Variants in CNTNAP2 observed in about 807,000 individuals in gnomAD.
CNTNAP2 encodes contactin-associated protein-like 2.
CNTNAP2 carries 98 observed loss-of-function variants against 155.2 expected under a neutral mutation model. The ratio of observed to expected loss-of-function variants is 0.63; its 90% CI spans 0.54 to 0.75. CNTNAP2 has a LOEUF of 0.75. CNTNAP2 is among the 30% of genes least tolerant of loss of function. The pLI, the probability that CNTNAP2 is intolerant of heterozygous loss-of-function variation, is 0.00. For synonymous variants in CNTNAP2, 651 were observed against 631.2 expected, an observed-to-expected ratio of 1.03 and a Z score of -0.47; for missense variants, 1,727 against 1,688.1, an observed-to-expected ratio of 1.02 and a Z score of -0.40.
intron 1 of CNTNAP2, among the ~76,000 whole-genome samples, chr7:146,367,222 T>C (rs373074958): frequency 5.3e-5 from 8 of 152,290 alleles, no homozygotes; most frequent in African/African-American, 1.9e-4. Flanking sequence ...ACCTGCTTTA[T>C]ACACATCGCC....
chr7:148,330,147 A>T (rs62470601), intron 21 of CNTNAP2, among the ~76,000 whole-genome samples: 1 of 89,908 alleles, frequency 1.1e-5, no homozygotes, highest in Admixed American at 1.1e-4. Context: ...GAATGGATGG[A>T]TGGAGTGGAT....
chr7:147,701,063 G>A (rs374041154), intron 13 of CNTNAP2, among the ~76,000 whole-genome samples: 1 of 152,072 alleles, frequency 6.6e-6, no homozygotes, highest in African/African-American at 2.4e-5. Flanking sequence ...CTGCTGGGAC[G>A]GTTCTTCCTG....
chr7:146,387,175 A>G (rs558500911), intron 1 of CNTNAP2, among the ~76,000 whole-genome samples: 4 of 152,280 alleles, frequency 2.6e-5, no homozygotes, highest in African/African-American at 9.6e-5. Flanking sequence ...AATAATGCCC[A>G]TGTGTTTTTC....
At chr7:148,151,992 C>T (rs79299241) in intron 17 of CNTNAP2, among the ~76,000 whole-genome samples, 1,647 of 152,120 alleles carry the variant, frequency 0.011, 32 homozygotes, top group African/African-American at 0.038. Context: ...ACCTAGGTTC[C>T]GGAAGGAAGG....
chr7:147,216,448 C>T (rs1603450), intron 8 of CNTNAP2, among the ~76,000 whole-genome samples: 35,658 of 151,898 alleles, frequency 0.23, 5,214 homozygotes, highest in East Asian at 0.71. Flanking sequence ...TTTGCTCCAT[C>T]GTATAGCCTT....
At chr7:146,391,386 C>T (rs1175494029) in intron 1 of CNTNAP2, among the ~76,000 whole-genome samples, 2 of 151,886 alleles carry the variant, frequency 1.3e-5, no homozygotes, top group Admixed American at 6.6e-5. Context: ...TTTTATCTTT[C>T]AAAACATCTC....
intron 1 of CNTNAP2, among the ~76,000 whole-genome samples, chr7:146,560,444 A>G (rs556693793): frequency 6.6e-6 from 1 of 151,936 alleles, no homozygotes; most frequent in Non-Finnish European, 1.5e-5. Flanking sequence ...TATGTGTGTT[A>G]TATGTGTATA....
At chr7:146,341,713 TCAAAAA>T (rs1403255335) in intron 1 of CNTNAP2, among the ~76,000 whole-genome samples, 2 of 152,006 alleles carry the variant, frequency 1.3e-5, no homozygotes, top group South Asian at 4.1e-4. Flanking sequence ...AGTGTTAATT[TCAAAAA>T]CAAAAACAAA....
chr7:146,727,789 G>A (rs35346551), intron 1 of CNTNAP2, among the ~76,000 whole-genome samples: 1 of 151,966 alleles, frequency 6.6e-6, no homozygotes, highest in African/African-American at 2.4e-5. Context: ...GATTTTATTC[G>A]CTCTGTAAAT....
intron 1 of CNTNAP2, among the ~76,000 whole-genome samples, chr7:146,121,394 G>T (rs761214566): frequency 4.6e-5 from 7 of 151,926 alleles, no homozygotes; most frequent in Non-Finnish European, 1.0e-4. Context: ...TGTATTTGTT[G>T]TAAATGGTAT....
At chr7:146,383,895 C>G (rs563324869) in intron 1 of CNTNAP2, among the ~76,000 whole-genome samples, 1 of 152,250 alleles carries the variant, frequency 6.6e-6, no homozygotes, top group South Asian at 2.1e-4. Context: ...TTAGCCTCAG[C>G]AAGGTTTTTG....
chr7:147,000,351 A>C (rs2129240775), intron 3 of CNTNAP2, among the ~76,000 whole-genome samples: 1 of 152,030 alleles, frequency 6.6e-6, no homozygotes, highest in Non-Finnish European at 1.5e-5. Context: ...CTTTATCGTG[A>C]GGCATTTTTC....
chr7:148,334,899 T>C (rs566310403), intron 21 of CNTNAP2, among the ~76,000 whole-genome samples: 24 of 152,330 alleles, frequency 1.6e-4, no homozygotes, highest in Admixed American at 1.6e-3. Flanking sequence ...ATCAAGACTC[T>C]AATTTTAGAG....
chr7:147,936,223 AT>A (rs1800604151), intron 14 of CNTNAP2, among the ~76,000 whole-genome samples: 1 of 152,118 alleles, frequency 6.6e-6, no homozygotes, highest in African/African-American at 2.4e-5. Context: ...AAGACACATG[AT>A]TTTAGATCAC....
At chr7:146,921,638 A>G (rs1292591016) in intron 3 of CNTNAP2, among the ~76,000 whole-genome samples, 1 of 152,028 alleles carries the variant, frequency 6.6e-6, no homozygotes, top group Non-Finnish European at 1.5e-5. Context: ...AATCACTACT[A>G]CGAGAACAGT....
rs1259869993 is a variant in CNTNAP2, at chr7:147,347,454, A to G, written c.1498+47164A>G. Among the ~76,000 whole-genome samples, 2 of 47,778 alleles carry G rather than the reference A, an allele frequency of 4.2e-5. 1 individual carries two copies. Among genetic ancestry groups the G allele is most frequent in the Non-Finnish European group, 9.1e-5 (2 of 21,934 alleles). 31.3% of individuals were successfully genotyped at this position (47,778 alleles called of 152,430 possible). On this transcript the variant is annotated intron_variant, in intron 9 of 23. Transcript: ENST00000361727. ...TATATATATATGCATATATATATAT[A>G]TGCATATATATATATATATATGCAT...
At chr7:146,870,901 A>T (rs529109867) in intron 3 of CNTNAP2, among the ~76,000 whole-genome samples, 2 of 152,304 alleles carry the variant, frequency 1.3e-5, no homozygotes, top group South Asian at 4.1e-4. Context: ...GTAGGTGCTC[A>T]AATGTTTAGG....
chr7:148,257,288 T>A (rs1796471531), intron 20 of CNTNAP2, among the ~76,000 whole-genome samples: 1 of 152,150 alleles, frequency 6.6e-6, no homozygotes, highest in Admixed American at 6.5e-5. Flanking sequence ...AACTTTCCCT[T>A]CGTAAAGGCA....
intron 12 of CNTNAP2, among the ~76,000 whole-genome samples, chr7:147,568,450 A>G (rs10952695): frequency 0.72 from 109,043 of 152,044 alleles, 39,520 homozygotes; most frequent in African/African-American, 0.81. Flanking sequence ...AGAGCATTTC[A>G]AGTGCTGCAC....
Sources: gnomAD v4.1 joint callset for allele counts (sites outside exome capture counted in the v4.1 genomes callset) on GRCh38, gnomAD v4.1.1 for gene constraint, MANE v1.5 for transcripts, NCBI Gene and HGNC (gene_info 2026-07-23, HGNC 2026-07-21) for gene names.